The following SLIT3 variants were observed in gnomAD, a reference collection of about 807,000 sequenced individuals.
SLIT3 encodes the protein slit guidance ligand 3.
SLIT3 carries 68 observed loss-of-function variants against 184.0 expected under a neutral mutation model. The observed-to-expected ratio is 0.37, with a 90% CI of 0.30 to 0.45. SLIT3 has a LOEUF of 0.45. SLIT3 is among the 20% of genes least tolerant of loss of function. SLIT3 has a pLI of 1.00. For missense variants in SLIT3, 1,707 were observed against 2,026.0 expected (o/e 0.84, Z 3.02); for synonymous variants, 831 against 828.6 (o/e 1.00, Z -0.05).
chr5:168,915,043 C>T (rs1581206773), intron 4 of SLIT3, among the ~76,000 whole-genome samples: 1 of 152,098 alleles, frequency 6.6e-6, no homozygotes. Flanking sequence ...GCAGGCAATA[C>T]GTAATCTGTC....
chr5:169,168,971 G>A (rs1487640606), intron 4 of SLIT3, among the ~76,000 whole-genome samples: 1 of 152,198 alleles, frequency 6.6e-6, no homozygotes, highest in African/African-American at 2.4e-5. Context: ...TAGGGAGCCT[G>A]CTTAAGAGGC....
chr5:168,767,351 A>G (rs1433606165), intron 14 of SLIT3, among the ~76,000 whole-genome samples: 1 of 152,172 alleles, frequency 6.6e-6, no homozygotes, highest in African/African-American at 2.4e-5. Flanking sequence ...AATGAACAAC[A>G]CAGTCTTCTG....
At chr5:168,797,908 T>C (rs1191024443) in intron 9 of SLIT3, among the ~76,000 whole-genome samples, 2 of 151,988 alleles carry the variant, frequency 1.3e-5, no homozygotes, top group African/African-American at 4.8e-5. Context: ...TTTGTGAAAA[T>C]GGAGGAACTG....
At chr5:168,939,068 A>G (rs1762252428) in intron 4 of SLIT3, among the ~76,000 whole-genome samples, 1 of 152,232 alleles carries the variant, frequency 6.6e-6, no homozygotes, top group Non-Finnish European at 1.5e-5. Context: ...AAAACCCTGT[A>G]GGCAGCAAAG....
chr5:169,204,381 A>G (rs1763996262), intron 3 of SLIT3, among the ~76,000 whole-genome samples: 1 of 152,174 alleles, frequency 6.6e-6, no homozygotes, highest in Non-Finnish European at 1.5e-5. Flanking sequence ...AAAAGGAACA[A>G]TGATGTTGAG....
At chr5:168,709,149 A>G (rs576185949) in intron 25 of SLIT3, among the ~76,000 whole-genome samples, 8 of 145,954 alleles carry the variant, frequency 5.5e-5, no homozygotes, top group African/African-American at 2.0e-4. Context: ...CCCAGGCTGG[A>G]GTGTGGTGGT....
At chr5:168,905,175 C>G (rs1242890603) in intron 4 of SLIT3, among the ~76,000 whole-genome samples, 1 of 122,958 alleles carries the variant, frequency 8.1e-6, no homozygotes, top group African/African-American at 2.8e-5. Flanking sequence ...GACTCCATCT[C>G]CAAAAAAAAG....
intron 4 of SLIT3, among the ~76,000 whole-genome samples, chr5:168,942,900 T>A (rs1762371194): frequency 6.6e-6 from 1 of 152,168 alleles, no homozygotes; most frequent in Non-Finnish European, 1.5e-5. Flanking sequence ...AGTAGAAAAG[T>A]GTGTGATGAT....
At chr5:169,107,886 T>G (rs536716826) in intron 4 of SLIT3, among the ~76,000 whole-genome samples, 1 of 152,350 alleles carries the variant, frequency 6.6e-6, no homozygotes, top group East Asian at 1.9e-4. Flanking sequence ...AATTGCAGCT[T>G]GAGAACTCCT....
chr5:168,779,987 T>G (rs1755910460), intron 12 of SLIT3, among the ~76,000 whole-genome samples: 2 of 152,238 alleles, frequency 1.3e-5, no homozygotes, highest in Admixed American at 1.3e-4. Context: ...GATCCGCTCT[T>G]CAATGAAGGT....
At chr5:168,802,389 G>A (rs1287657859) in intron 9 of SLIT3, among the ~76,000 whole-genome samples, 3 of 151,974 alleles carry the variant, frequency 2.0e-5, no homozygotes, top group Admixed American at 6.6e-5. Flanking sequence ...GTCACCTCTC[G>A]AACTGCCCTA....
chr5:168,701,001 A>G (rs1762197104), intron 26 of SLIT3, among the ~76,000 whole-genome samples: 1 of 152,252 alleles, frequency 6.6e-6, no homozygotes, highest in Non-Finnish European at 1.5e-5. Flanking sequence ...AGCTGAATTC[A>G]CATACAGCTG....
chr5:168,817,493 T>C (rs1008015358), intron 7 of SLIT3, 30 bp from the exon 8 acceptor site: 1 of 1,577,144 alleles, frequency 6.3e-7, no homozygotes, highest in Admixed American at 1.8e-5. Context: ...AGAGAAGGCA[T>C]GGTCACAGGT....
intron 1 of SLIT3, among the ~76,000 whole-genome samples, chr5:169,273,327 T>G (rs988627948): frequency 6.6e-6 from 1 of 152,198 alleles, no homozygotes; most frequent in African/African-American, 2.4e-5. Flanking sequence ...CTTTGTATCC[T>G]CATCTCAGAG....
intron 1 of SLIT3, among the ~76,000 whole-genome samples, chr5:169,299,573 C>T (rs941036936): frequency 1.8e-4 from 27 of 152,274 alleles, no homozygotes; most frequent in Non-Finnish European, 3.2e-4. Context: ...AGCGTTTCTC[C>T]CCCACTCCCT....
At chr5:168,911,128 C>T (rs1761238391) in intron 4 of SLIT3, among the ~76,000 whole-genome samples, 1 of 152,132 alleles carries the variant, frequency 6.6e-6, no homozygotes, top group Non-Finnish European at 1.5e-5. Flanking sequence ...TCTCTCTGCC[C>T]CTTACCCTCA....
chr5:168,685,851 C>A lies in SLIT3; in HGVS notation c.3391G>T (p.Gly1131Trp). ...TGCTGCACCACGATGCACTGGGCCCCGTTCTGGCACTCGTACTGGTCGCAT... is the reference window on the plus strand; with the variant it reads ...TGCTGCACCACGATGCACTGGGCCCAGTTCTGGCACTCGTACTGGTCGCAT... ...SPCDQYECQN[G>W]AQCIVVQQEP... The change falls in exon 31 of 36, where the codon GGG (glycine) becomes TGG (tryptophan). Residue 1131 changes from glycine to tryptophan, a missense_variant. Coordinates refer to ENST00000519560, the MANE Select transcript of SLIT3 (RefSeq NM_003062.4). 2.5e-6 allele frequency: 4 copies of A among 1,613,906 alleles called. No individual in the cohort carries two copies. Among genetic ancestry groups the A allele is most frequent in the Non-Finnish European group, 3.4e-6 (4 of 1,179,998 alleles).
At chr5:168,814,514 G>C (rs1581109528) in intron 8 of SLIT3, among the ~76,000 whole-genome samples, 1 of 152,156 alleles carries the variant, frequency 6.6e-6, no homozygotes, top group African/African-American at 2.4e-5. Flanking sequence ...CTGGTTGTTG[G>C]TGGTGGCGTG....
intron 4 of SLIT3, among the ~76,000 whole-genome samples, chr5:169,047,445 G>T (rs62379489): frequency 0.037 from 5,681 of 152,000 alleles, 145 homozygotes; most frequent in Middle Eastern, 0.061. Context: ...ATCTTTATTG[G>T]GGTCTCTGCC....
Sources: gnomAD v4.1 joint callset for allele counts (sites outside exome capture counted in the v4.1 genomes callset) on GRCh38, gnomAD v4.1.1 for gene constraint, MANE v1.5 for transcripts, NCBI Gene and HGNC (gene_info 2026-07-23, HGNC 2026-07-21) for gene names.